SH3KBP1: variants seen among roughly 807,000 people sequenced by gnomAD.
The protein encoded by SH3KBP1 is SH3 domain-containing kinase-binding protein 1.
A neutral mutation model predicts 50.1 loss-of-function variants in SH3KBP1; 8 were observed. The observed-to-expected ratio is 0.16, with a 90% CI of 0.09 to 0.29. SH3KBP1 has a LOEUF of 0.29. Among genes scored for constraint, SH3KBP1 ranks in the 10% least tolerant of loss-of-function variants. The pLI, the probability that SH3KBP1 is intolerant of heterozygous loss-of-function variation, is 1.00. For synonymous variants in SH3KBP1, 227 were observed against 218.6 expected (o/e 1.04, Z -0.34); for missense variants, 377 against 535.2 (o/e 0.70, Z 2.92).
intron 2 of SH3KBP1, among the ~76,000 whole-genome samples, chrX:19,831,798 A>AAAAAAAAAAAAAAAAAAAAG (rs1385724267): frequency 3.8e-5 from 4 of 105,844 alleles, no homozygotes; most frequent in African/African-American, 1.4e-4. Context: ...TCCCAAAAAA[A>AAAAAAAAAAAAAAAAAAAAG]AAAAAAGAAA....
At chrX:19,630,863 T>C (rs758318919) in intron 8 of SH3KBP1, among the ~76,000 whole-genome samples, 8 of 111,918 alleles carry the variant, frequency 7.1e-5, no homozygotes, top group Non-Finnish European at 1.3e-4. Flanking sequence ...CTGATCACCT[T>C]ATGGACAAGC....
At chrX:19,625,378 C>T (rs1194522861) in intron 8 of SH3KBP1, among the ~76,000 whole-genome samples, 1 of 110,659 alleles carries the variant, frequency 9.0e-6, no homozygotes, top group Non-Finnish European at 1.9e-5. Flanking sequence ...AAGTGGCAAC[C>T]AGGCTAGGAA....
At chrX:19,692,012 T>A (rs1440056605) in intron 5 of SH3KBP1, among the ~76,000 whole-genome samples, 5 of 111,924 alleles carry the variant, frequency 4.5e-5, no homozygotes, top group Non-Finnish European at 9.4e-5. Flanking sequence ...TTTGTTGATG[T>A]TAGAAATTTT....
intron 9 of SH3KBP1, among the ~76,000 whole-genome samples, chrX:19,601,155 G>A (rs902852053): frequency 1.8e-5 from 2 of 111,850 alleles, no homozygotes; most frequent in African/African-American, 3.3e-5. Context: ...GCTTGTGTGC[G>A]GGGTTGTTGG....
chrX:19,737,368 A>G (rs778141779), intron 3 of SH3KBP1, among the ~76,000 whole-genome samples: 10 of 111,377 alleles, frequency 9.0e-5, no homozygotes, highest in Non-Finnish European at 1.9e-4. Flanking sequence ...GATGTCAATA[A>G]GTGGGTCCCT....
At chrX:19,848,697 ATTGGACAATCAACGTT>A (rs2068424617) in intron 1 of SH3KBP1, among the ~76,000 whole-genome samples, 2 of 112,174 alleles carry the variant, frequency 1.8e-5, no homozygotes, top group Non-Finnish European at 3.8e-5. Context: ...GAATGAGAGA[ATTGGACAATCAACGTT>A]TTGCAACCTC....
chrX:19,695,780 C>A lies in SH3KBP1; in HGVS notation c.391-39G>T, dbSNP rs768525053. On this transcript the variant is annotated intron_variant, in intron 4 of 17. Coordinates refer to ENST00000397821, the MANE Select transcript of SH3KBP1 (RefSeq NM_031892.3). ...AACAAAAGAGCAGAGATACATGGGT[C>A]AGGTTAGACATGGTGGTTTCCAATT... 13 of 1,198,493 alleles carry A rather than the reference C, an allele frequency of 1.1e-5. No individual in the cohort carries two copies. The South Asian group carries it at 2.3e-4, about 21-fold the overall frequency.
chrX:19,864,841 G>A (rs1251396796), intron 1 of SH3KBP1, among the ~76,000 whole-genome samples: 2 of 112,088 alleles, frequency 1.8e-5, no homozygotes, highest in African/African-American at 3.3e-5. Context: ...ACGGATAAGC[G>A]ACTGTTAATG....
intron 9 of SH3KBP1, among the ~76,000 whole-genome samples, chrX:19,606,921 A>T (rs1168625788): frequency 8.9e-6 from 1 of 112,582 alleles, no homozygotes; most frequent in Non-Finnish European, 1.9e-5. Context: ...AATACAAGAA[A>T]GCAAGCAATC....
intron 2 of SH3KBP1, among the ~76,000 whole-genome samples, chrX:19,793,109 C>T (rs916004578): frequency 9.2e-6 from 1 of 108,608 alleles, no homozygotes; most frequent in African/African-American, 3.4e-5. Flanking sequence ...CCAGCCTGAG[C>T]AATATAGTGG....
intron 2 of SH3KBP1, among the ~76,000 whole-genome samples, chrX:19,758,958 A>G (rs906552686): frequency 8.9e-6 from 1 of 112,062 alleles, no homozygotes; most frequent in African/African-American, 3.2e-5. Flanking sequence ...TTATAGTCAC[A>G]ATTGCTTCCA....
chrX:19,739,770 G>C (rs1313992372), intron 3 of SH3KBP1, among the ~76,000 whole-genome samples: 1 of 110,813 alleles, frequency 9.0e-6, no homozygotes, highest in Non-Finnish European at 1.9e-5. Context: ...TGAGTCAGAG[G>C]AATCAAAGGC....
chrX:19,645,994 A>G (rs1437004727), intron 6 of SH3KBP1, among the ~76,000 whole-genome samples: 1 of 111,351 alleles, frequency 9.0e-6, no homozygotes, highest in Non-Finnish European at 1.9e-5. Context: ...ACCCTATTGC[A>G]TCTCTGTCTA....
intron 2 of SH3KBP1, among the ~76,000 whole-genome samples, chrX:19,828,277 ACT>A (rs1353117551): frequency 2.8e-5 from 3 of 109,016 alleles, no homozygotes; most frequent in Non-Finnish European, 5.7e-5. Flanking sequence ...TTTTTTTTCC[ACT>A]GAGTTCCTCA....
intron 4 of SH3KBP1, among the ~76,000 whole-genome samples, chrX:19,696,968 T>C (rs1205019093): frequency 8.9e-6 from 1 of 111,927 alleles, no homozygotes; most frequent in Non-Finnish European, 1.9e-5. Flanking sequence ...GGTAGTATGA[T>C]ACTTCTATAA....
chrX:19,692,624 C>CGTGTGTGTGTGTGTGT (rs534431997), intron 5 of SH3KBP1, among the ~76,000 whole-genome samples: 1 of 68,710 alleles, frequency 1.5e-5, no homozygotes, highest in Non-Finnish European at 2.6e-5. Context: ...TATATACATA[C>CGTGTGTGTGTGTGTGT]GTGTGTGTGT....
chrX:19,538,567 A>G (rs1351244186), intron 16 of SH3KBP1, among the ~76,000 whole-genome samples: 1 of 106,232 alleles, frequency 9.4e-6, no homozygotes, highest in East Asian at 2.9e-4. Flanking sequence ...CCTTTATTTT[A>G]TTTATTTATT....
chrX:19,731,045 T>G (rs778951083), intron 3 of SH3KBP1, among the ~76,000 whole-genome samples: 75 of 111,876 alleles, frequency 6.7e-4, no homozygotes, highest in Non-Finnish European at 1.2e-3. Context: ...GTTCAAGCGA[T>G]TCTCCTGCCT....
chrX:19,727,095 T>C (rs1010750372), intron 3 of SH3KBP1, among the ~76,000 whole-genome samples: 6 of 111,914 alleles, frequency 5.4e-5, no homozygotes, highest in African/African-American at 2.0e-4. Flanking sequence ...TCTTAGCTGG[T>C]AGTGGGTAGA....
Sources: gnomAD v4.1 joint callset for allele counts (sites outside exome capture counted in the v4.1 genomes callset) on GRCh38, gnomAD v4.1.1 for gene constraint, MANE v1.5 for transcripts, NCBI Gene and HGNC (gene_info 2026-07-23, HGNC 2026-07-21) for gene names.